Variants in DNAH11 observed in about 807,000 individuals in gnomAD.
The protein encoded by DNAH11 is axonemal beta dynein heavy chain 11.
In DNAH11, 442 loss-of-function variants were observed where a neutral mutation model predicts 526.0. That is an observed-to-expected ratio of 0.84 (90% CI 0.78 to 0.91). The LOEUF (loss-of-function observed/expected upper bound fraction) is 0.91, where lower values mean the gene tolerates loss of function less well. Among genes scored for constraint, DNAH11 ranks in the 40% least tolerant of loss-of-function variants. The probability of loss-of-function intolerance (pLI) is 0.00; values close to 1 mark genes in which losing one functional copy is unlikely to be tolerated. For missense variants in DNAH11, 6,989 were observed against 5,448.7 expected, an observed-to-expected ratio of 1.28 and a Z score of -8.90; for synonymous variants, 2,461 against 1,935.9, an observed-to-expected ratio of 1.27 and a Z score of -7.12.
intron 54 of DNAH11, among the ~76,000 whole-genome samples, chr7:21,750,823 A>G (rs1417308389): frequency 6.6e-6 from 1 of 152,182 alleles, no homozygotes; most frequent in Non-Finnish European, 1.5e-5. Context: ...ATAAAGGTCA[A>G]CTGCACGGTA....
intron 68 of DNAH11, among the ~76,000 whole-genome samples, chr7:21,855,117 C>A (rs963370082): frequency 6.7e-5 from 10 of 150,068 alleles, no homozygotes; most frequent in African/African-American, 2.5e-4. Flanking sequence ...CTGCAAGCTC[C>A]ACCTTCCGGG....
chr7:21,787,307 A>C, intron 59 of DNAH11, 94 bp from the exon 60 acceptor site: 1 of 1,300,172 alleles, frequency 7.7e-7, no homozygotes, highest in Admixed American at 2.5e-5. Flanking sequence ...TTGCTTTTGT[A>C]ATGTGAGTCC....
chr7:21,732,105 T>C (rs1267415906), intron 45 of DNAH11, among the ~76,000 whole-genome samples: 1 of 152,224 alleles, frequency 6.6e-6, no homozygotes, highest in African/African-American at 2.4e-5. Flanking sequence ...ATTAGTTTGC[T>C]AGGGCTGCCA....
intron 30 of DNAH11, among the ~76,000 whole-genome samples, chr7:21,678,235 AGTTTTTTTTGT>A (rs1782984629): frequency 6.7e-6 from 1 of 148,706 alleles, no homozygotes; most frequent in Non-Finnish European, 1.5e-5. Context: ...ATTCATTTTG[AGTTTTTTTTGT>A]GTGTGTATAG....
chr7:21,636,395 G>C (rs1786866249), intron 26 of DNAH11, among the ~76,000 whole-genome samples: 2 of 151,990 alleles, frequency 1.3e-5, no homozygotes, highest in South Asian at 4.2e-4. Flanking sequence ...ATTTCACATA[G>C]TTATCATGTG....
At chr7:21,850,757 A>T (rs1039088531) in intron 66 of DNAH11, among the ~76,000 whole-genome samples, 2 of 152,024 alleles carry the variant, frequency 1.3e-5, no homozygotes, top group African/African-American at 4.8e-5. Flanking sequence ...GCTAGGAGTT[A>T]CGGCTGTGTC....
In DNAH11 at chr7:21,624,478, T is replaced by TA. The variant is rs1786237966; in HGVS notation, c.4500+4403dup. On this transcript the variant is annotated intron_variant, in intron 25 of 81. Transcript: ENST00000409508. ...TTAGGATGGAGCTGTTAGGATTTTC[T>TA]AAATATAAGATTATGTCATCAGCAA... 2.0e-5 allele frequency among the ~76,000 whole-genome samples: 3 copies of TA among 152,180 alleles called. No homozygotes were observed. The South Asian group carries it at 6.2e-4, about 32-fold the overall frequency.
At chr7:21,739,439 A>C (rs1785772688) in intron 47 of DNAH11, 132 bp from the exon 48 acceptor site, 2 of 630,556 alleles carry the variant, frequency 3.2e-6, no homozygotes, top group Admixed American at 7.2e-5. Context: ...AATAAGGCTC[A>C]CTAGGTCAAC....
At chr7:21,884,092 T>C (rs1784033497) in intron 75 of DNAH11, among the ~76,000 whole-genome samples, 199 bp from the exon 76 acceptor site, 1 of 152,232 alleles carries the variant, frequency 6.6e-6, no homozygotes, top group Non-Finnish European at 1.5e-5. Flanking sequence ...GAATTTTCAC[T>C]GACTATATTA....
chr7:21,887,337 A>T (rs1266578673), intron 76 of DNAH11, among the ~76,000 whole-genome samples: 4 of 152,216 alleles, frequency 2.6e-5, no homozygotes, highest in African/African-American at 9.7e-5. Context: ...TCTCACATAA[A>T]GCATGTATTT....
intron 78 of DNAH11, 27 bp downstream of exon 78, chr7:21,894,832 A>T (rs540458300): frequency 1.2e-5 from 20 of 1,610,652 alleles, no homozygotes; most frequent in Non-Finnish European, 1.6e-5. Flanking sequence ...GCTATAGTAG[A>T]CTTCAGCACA....
At chr7:21,669,458 A>G (rs1782553784) in intron 30 of DNAH11, among the ~76,000 whole-genome samples, 1 of 152,184 alleles carries the variant, frequency 6.6e-6, no homozygotes, top group Non-Finnish European at 1.5e-5. Context: ...GGTGTGAGCC[A>G]CTGAGCCTGG....
rs1554284618 is a variant in DNAH11 at position 21,818,268 on chromosome 7, T to A, written c.10620T>A (p.Ile3540=). The change falls in exon 65 of 82, where the codon ATT becomes ATA. Residue 3540 remains isoleucine, a synonymous_variant. Coordinates refer to ENST00000409508, the MANE Select transcript of DNAH11 (RefSeq NM_001277115.2). ...TALAFGDVIL[I]ENLEETIDPV... ...TGGCCTTTGGTGATGTCATCTTAATTGAAAATCTCGAGGAAACGATAGATC... is the reference window on the plus strand; with the variant it reads ...TGGCCTTTGGTGATGTCATCTTAATAGAAAATCTCGAGGAAACGATAGATC... 6.2e-7 allele frequency: 1 copy of A among 1,612,426 alleles called. No homozygotes were observed. The highest frequency in any genetic ancestry group is 8.5e-7 in the Non-Finnish European group (1 of 1,179,098).
At chr7:21,564,083 G>A (rs1783567404) in intron 5 of DNAH11, 103 bp from the exon 6 acceptor site, 7 of 740,734 alleles carry the variant, frequency 9.5e-6, no homozygotes, top group Non-Finnish European at 1.5e-5. Flanking sequence ...ACATTTAAGT[G>A]TGGCCATGTT....
At position 21,852,540 on chromosome 7, in the gene DNAH11, T is replaced by C; in HGVS notation, c.10970T>C (p.Leu3657Pro). ...KYLEDDLLLR[L>P]SAAEGSFLDD... is the part of the protein sequence containing the mutation. ...CTGGAAGACGATCTCCTTTTGCGCC[T>C]TTCTGCGGCAGAGGGAAGCTTTCTG... Residue 3657 changes from leucine (L) to proline (P), a missense_variant, in exon 67 of 82, where the codon CTT becomes CCT. Coordinates refer to ENST00000409508, the MANE Select transcript of DNAH11 (RefSeq NM_001277115.2). 6.2e-7 allele frequency: 1 copy of C among 1,613,372 alleles called. No individual in the cohort carries two copies. Among genetic ancestry groups the C allele is most frequent in the South Asian group, 1.1e-5 (1 of 90,884 alleles).
chr7:21,738,299 T>A (rs533073402), intron 46 of DNAH11, among the ~76,000 whole-genome samples: 7 of 152,336 alleles, frequency 4.6e-5, no homozygotes, highest in Admixed American at 1.3e-4. Flanking sequence ...TCCTGAGCTG[T>A]TCTCAGACTC....
chr7:21,601,514 C>A lies in DNAH11; in HGVS notation c.3544C>A (p.Arg1182=). 3 of 1,613,530 alleles carry A rather than the reference C, an allele frequency of 1.9e-6. No individual in the cohort carries two copies. The highest frequency in any genetic ancestry group is 1.3e-5 in the African/African-American group (1 of 74,964). ...IMVHLLAVRS[R]QRATDELFEP... The stretch of plus-strand genomic sequence containing the variant: ...GGTGCATCTTCTGGCTGTAAGAAGC[C>A]GACAGAGAGCTACTGATGAACTCTT... The change falls in exon 18 of 82, where the codon CGA becomes AGA. Residue 1182 remains arginine (R), a synonymous_variant. Transcript: ENST00000409508.
At chr7:21,759,785 G>A (rs541527623) in intron 54 of DNAH11, among the ~76,000 whole-genome samples, 1 of 152,310 alleles carries the variant, frequency 6.6e-6, no homozygotes, top group Non-Finnish European at 1.5e-5. Flanking sequence ...TACTTACGAT[G>A]AGATCTTATC....
At chr7:21,584,658 T>C (rs1175080081) in intron 9 of DNAH11, among the ~76,000 whole-genome samples, 1 of 152,192 alleles carries the variant, frequency 6.6e-6, no homozygotes, top group African/African-American at 2.4e-5. Flanking sequence ...TCAGCCGAAA[T>C]GTACAGCCTG....
Sources: gnomAD v4.1 joint callset for allele counts (sites outside exome capture counted in the v4.1 genomes callset) on GRCh38, gnomAD v4.1.1 for gene constraint, MANE v1.5 for transcripts, NCBI Gene and HGNC (gene_info 2026-07-23, HGNC 2026-07-21) for gene names.